The following MOB3B variants were observed in gnomAD, a reference collection of about 807,000 sequenced individuals.
MOB3B encodes the protein MOB kinase activator 3B, also known as MOB kinase activator-like 2B.
A neutral mutation model predicts 18.7 loss-of-function variants in MOB3B; 7 were observed. The observed-to-expected ratio is 0.37, with a 90% CI of 0.21 to 0.70. The LOEUF is 0.70. Among genes scored for constraint, MOB3B ranks in the 30% least tolerant of loss-of-function variants. The pLI, the probability that MOB3B is intolerant of heterozygous loss-of-function variation, is 0.52. For missense variants in MOB3B, 253 were observed against 281.3 expected (o/e 0.90, Z 0.72); for synonymous variants, 111 against 99.9 (o/e 1.11, Z -0.66).
At chr9:27,362,697 C>T (rs1821290594) in intron 2 of MOB3B, among the ~76,000 whole-genome samples, 1 of 152,172 alleles carries the variant, frequency 6.6e-6, no homozygotes, top group Non-Finnish European at 1.5e-5. Context: ...CCCTCAGGAG[C>T]CTAGGAAACC....
chr9:27,339,147 G>A (rs1820905306), intron 3 of MOB3B, among the ~76,000 whole-genome samples: 1 of 152,206 alleles, frequency 6.6e-6, no homozygotes, highest in African/African-American at 2.4e-5. Flanking sequence ...TTTCTGCAGT[G>A]GTCAAGCTGG....
chr9:27,510,860 G>A (rs1482805821), intron 1 of MOB3B, among the ~76,000 whole-genome samples: 1 of 152,230 alleles, frequency 6.6e-6, no homozygotes, highest in African/African-American at 2.4e-5. Flanking sequence ...ACTCCCTGAA[G>A]TCTACTGCAG....
At chr9:27,460,687 AG>A (rs1360676468) in intron 1 of MOB3B, among the ~76,000 whole-genome samples, 5 of 152,096 alleles carry the variant, frequency 3.3e-5, no homozygotes, top group Admixed American at 2.0e-4. Context: ...CTTATCTGTG[AG>A]GTGGAGGACT....
At chr9:27,480,396 T>G (rs1819631646) in intron 1 of MOB3B, among the ~76,000 whole-genome samples, 2 of 151,498 alleles carry the variant, frequency 1.3e-5, no homozygotes, top group Admixed American at 1.3e-4. Context: ...GCCTCCTGGG[T>G]TCACGCCATT....
At chr9:27,403,976 G>C (rs1485033360) in intron 2 of MOB3B, among the ~76,000 whole-genome samples, 2 of 152,048 alleles carry the variant, frequency 1.3e-5, no homozygotes, top group East Asian at 3.9e-4. Context: ...TGAAATACAT[G>C]CTAAATTATT....
At chr9:27,460,873 C>G (rs1212470062) in intron 1 of MOB3B, among the ~76,000 whole-genome samples, 6 of 152,178 alleles carry the variant, frequency 3.9e-5, no homozygotes, top group Non-Finnish European at 1.5e-5. Context: ...GAATTACGAA[C>G]ATTTTACATC....
intron 3 of MOB3B, among the ~76,000 whole-genome samples, chr9:27,351,460 T>C (rs1373654652): frequency 1.3e-5 from 2 of 152,228 alleles, no homozygotes; most frequent in African/African-American, 4.8e-5. Context: ...AGCATAATAG[T>C]GGAAATGCCA....
At chr9:27,447,076 T>G (rs544351575) in intron 2 of MOB3B, among the ~76,000 whole-genome samples, 1 of 152,292 alleles carries the variant, frequency 6.6e-6, no homozygotes, top group South Asian at 2.1e-4. Context: ...CACGTCCTTA[T>G]GCCTACAAAG....
At chr9:27,435,736 A>T (rs1039336225) in intron 2 of MOB3B, among the ~76,000 whole-genome samples, 1 of 152,130 alleles carries the variant, frequency 6.6e-6, no homozygotes, top group African/African-American at 2.4e-5. Context: ...AGTAGCTGAA[A>T]TTACAGGCAC....
chr9:27,506,691 C>T (rs551097718), intron 1 of MOB3B, among the ~76,000 whole-genome samples: 15 of 151,782 alleles, frequency 9.9e-5, no homozygotes, highest in African/African-American at 2.4e-4. Context: ...CCACCACGCC[C>T]GGCTAATTTT....
chr9:27,351,415 T>C (rs1335788705), intron 3 of MOB3B, among the ~76,000 whole-genome samples: 3 of 145,564 alleles, frequency 2.1e-5, no homozygotes, highest in Non-Finnish European at 4.5e-5. Context: ...CTCAGAGCCA[T>C]TACATGCCTT....
chr9:27,356,629 G>A (rs1821193481), intron 3 of MOB3B, among the ~76,000 whole-genome samples: 1 of 152,150 alleles, frequency 6.6e-6, no homozygotes, highest in Non-Finnish European at 1.5e-5. Context: ...TTAGCTCTGT[G>A]AAACCAAAAG....
chr9:27,484,944 G>A (rs776097485), intron 1 of MOB3B, among the ~76,000 whole-genome samples: 19 of 152,154 alleles, frequency 1.2e-4, no homozygotes, highest in Admixed American at 8.5e-4. Context: ...CTCAGTTAAT[G>A]GAAACTTGAC....
At chr9:27,353,905 G>A (rs1273599577) in intron 3 of MOB3B, among the ~76,000 whole-genome samples, 2 of 152,242 alleles carry the variant, frequency 1.3e-5, no homozygotes, top group Admixed American at 6.5e-5. Flanking sequence ...TCAGGGCCTG[G>A]CCCATTTTCT....
At chr9:27,513,736 G>C (rs1223773098) in intron 1 of MOB3B, among the ~76,000 whole-genome samples, 1 of 152,134 alleles carries the variant, frequency 6.6e-6, no homozygotes, top group Non-Finnish European at 1.5e-5. Flanking sequence ...TTCTTGCCCT[G>C]TTTATTTCCT....
At chr9:27,331,610 G>T (rs1027315576) in intron 3 of MOB3B, among the ~76,000 whole-genome samples, 1 of 152,240 alleles carries the variant, frequency 6.6e-6, no homozygotes, top group Non-Finnish European at 1.5e-5. Context: ...CTGGCACTGT[G>T]CCAGGGTAGT....
Position 27,375,258 on chromosome 9 carries a change from G to A in MOB3B, c.419-16022C>T, listed in dbSNP as rs566638093. ...GTTCTCCCAGCCCCAGCAAGCACTGGAGTGGGGTAGTCACTCTTTTTGGTT... is the reference window on the plus strand; with the variant it reads ...GTTCTCCCAGCCCCAGCAAGCACTGAAGTGGGGTAGTCACTCTTTTTGGTT... On this transcript the variant is annotated intron_variant, in intron 2 of 3. Transcript: ENST00000262244. Among the ~76,000 whole-genome samples, 3 of 152,364 alleles carry A rather than the reference G, an allele frequency of 2.0e-5. No individual in the cohort carries two copies. The East Asian group carries it at 5.8e-4, about 29-fold the overall frequency.
chr9:27,450,757 G>A (rs535233304), intron 2 of MOB3B, among the ~76,000 whole-genome samples: 1 of 152,300 alleles, frequency 6.6e-6, no homozygotes, highest in South Asian at 2.1e-4. Flanking sequence ...ATATGTATTA[G>A]CTGTACAACC....
intron 3 of MOB3B, 133 bp downstream of exon 3, chr9:27,358,901 C>A: frequency 1.1e-6 from 1 of 924,856 alleles, no homozygotes; most frequent in South Asian, 1.3e-5. Flanking sequence ...ACCACTAAAC[C>A]CCATTCAATT....
Sources: gnomAD v4.1 joint callset for allele counts (sites outside exome capture counted in the v4.1 genomes callset) on GRCh38, gnomAD v4.1.1 for gene constraint, MANE v1.5 for transcripts, NCBI Gene and HGNC (gene_info 2026-07-23, HGNC 2026-07-21) for gene names.